SNX29: variants seen among roughly 807,000 people sequenced by gnomAD.
SNX29 encodes sorting nexin 29.
SNX29 carries 78 observed loss-of-function variants against 102.1 expected under a neutral mutation model. That is an observed-to-expected ratio of 0.76 (90% CI 0.64 to 0.92). The LOEUF is 0.92. Among genes scored for constraint, SNX29 ranks in the 40% least tolerant of loss-of-function variants. SNX29 has a pLI of 0.00. For missense variants in SNX29, 1,280 were observed against 1,061.7 expected, an observed-to-expected ratio of 1.21 and a Z score of -2.86; for synonymous variants, 580 against 414.5, an observed-to-expected ratio of 1.40 and a Z score of -4.85.
At chr16:12,564,074 G>A (rs886727785) in intron 20 of SNX29, among the ~76,000 whole-genome samples, 1 of 152,250 alleles carries the variant, frequency 6.6e-6, no homozygotes, top group Non-Finnish European at 1.5e-5. Flanking sequence ...GCTGTATTTT[G>A]GGAGTTTGTA....
intron 13 of SNX29, among the ~76,000 whole-genome samples, chr16:12,183,486 G>A (rs555247331): frequency 6.6e-6 from 1 of 152,118 alleles, no homozygotes; most frequent in African/African-American, 2.4e-5. Flanking sequence ...GATACATACT[G>A]TGTATAGATA....
chr16:12,302,432 T>C (rs531154103), intron 15 of SNX29, among the ~76,000 whole-genome samples: 7 of 152,344 alleles, frequency 4.6e-5, no homozygotes, highest in African/African-American at 9.6e-5. Flanking sequence ...GAGAAACTTA[T>C]AAACAACAAA....
intron 11 of SNX29, among the ~76,000 whole-genome samples, chr16:12,116,673 C>T (rs559660627): frequency 3.6e-4 from 55 of 152,172 alleles, no homozygotes; most frequent in African/African-American, 1.3e-3. Flanking sequence ...GACTCCTTCT[C>T]AAAAAAAGAA....
chr16:12,122,247 C>G (rs1053520809), intron 11 of SNX29, among the ~76,000 whole-genome samples: 1 of 152,202 alleles, frequency 6.6e-6, no homozygotes, highest in African/African-American at 2.4e-5. Flanking sequence ...TCTGTCGCCA[C>G]CTTCCTTCGC....
intron 19 of SNX29, among the ~76,000 whole-genome samples, chr16:12,481,451 TATAC>T (rs2087910146): frequency 9.7e-6 from 1 of 103,254 alleles, no homozygotes; most frequent in African/African-American, 4.6e-5. Context: ...CACACACATA[TATAC>T]ATATATATAT....
At chr16:12,462,661 A>G (rs2151760189) in intron 18 of SNX29, among the ~76,000 whole-genome samples, 1 of 152,270 alleles carries the variant, frequency 6.6e-6, no homozygotes, top group East Asian at 1.9e-4. Flanking sequence ...TCTTAATTCC[A>G]TGATTTCAGA....
At chr16:12,148,949 G>C (rs1161669802) in intron 13 of SNX29, among the ~76,000 whole-genome samples, 2 of 152,058 alleles carry the variant, frequency 1.3e-5, no homozygotes, top group Admixed American at 6.6e-5. Flanking sequence ...TGATCCACCT[G>C]CCTCAGCCTC....
chr16:12,006,388 G>A (rs2056453522), intron 3 of SNX29, among the ~76,000 whole-genome samples: 1 of 151,574 alleles, frequency 6.6e-6, no homozygotes, highest in Non-Finnish European at 1.5e-5. Context: ...GGTGGCACAT[G>A]CCTGTAATCC....
intron 18 of SNX29, among the ~76,000 whole-genome samples, chr16:12,464,425 C>G (rs1309528985): frequency 1.3e-5 from 2 of 151,982 alleles, no homozygotes; most frequent in Non-Finnish European, 2.9e-5. Context: ...AATTTAATTT[C>G]CTTTTTTATT....
intron 20 of SNX29, among the ~76,000 whole-genome samples, chr16:12,550,068 C>T (rs926905644): frequency 3.9e-5 from 6 of 152,166 alleles, no homozygotes; most frequent in African/African-American, 1.2e-4. Context: ...TTAGTCTCAC[C>T]CTTTATAGGA....
At chr16:12,451,618 C>G (rs2086302759) in intron 18 of SNX29, among the ~76,000 whole-genome samples, 1 of 152,208 alleles carries the variant, frequency 6.6e-6, no homozygotes, top group Admixed American at 6.5e-5. Flanking sequence ...AATCCCAGCA[C>G]TTTGGGAGGC....
At chr16:12,300,387 C>G (rs1391450515) in intron 15 of SNX29, among the ~76,000 whole-genome samples, 1 of 152,196 alleles carries the variant, frequency 6.6e-6, no homozygotes, top group Non-Finnish European at 1.5e-5. Context: ...CATCGATCAT[C>G]AGTGATCAGC....
chr16:12,538,418 G>A (rs1372935402), intron 20 of SNX29, among the ~76,000 whole-genome samples: 3 of 152,144 alleles, frequency 2.0e-5, no homozygotes, highest in African/African-American at 4.8e-5. Flanking sequence ...ATGATGTCTG[G>A]GAGTAATAAC....
chr16:12,308,163 A>G (rs993713409), intron 15 of SNX29, among the ~76,000 whole-genome samples: 2 of 152,216 alleles, frequency 1.3e-5, no homozygotes, highest in African/African-American at 4.8e-5. Context: ...TTCCCCAACC[A>G]ACAGCAGAGA....
At position 12,568,777 on chromosome 16, in the gene SNX29, C is replaced by T. The variant is rs2288427; in HGVS notation, c.*148C>T. The stretch of plus-strand genomic sequence containing the variant: ...GATTCCCAACAGTTACACAACACCC[C>T]GATTAAACTAATCAGTCTTCGAGCC... On this transcript the variant is annotated 3_prime_UTR_variant, in exon 21 of 21. Transcript: ENST00000566228. 28 of 1,222,980 alleles carry T rather than the reference C, an allele frequency of 2.3e-5. No individual in the cohort carries two copies. The highest frequency in any genetic ancestry group is 1.3e-4 in the East Asian group (5 of 38,974). 75.8% of individuals were successfully genotyped at this position (1,222,980 alleles called of 1,614,324 possible).
intron 11 of SNX29, among the ~76,000 whole-genome samples, chr16:12,092,474 T>C (rs940576802): frequency 6.6e-6 from 1 of 152,172 alleles, no homozygotes; most frequent in African/African-American, 2.4e-5. Context: ...TATGAGTTGC[T>C]CAAGGGAGTG....
At position 12,571,743 on chromosome 16, in the gene SNX29, C is replaced by T. The variant is rs2079192038; in HGVS notation, c.*3114C>T. The T allele has an allele frequency of 2.6e-5, 27 of 1,025,778 alleles. No individual in the cohort carries two copies. The highest frequency in any genetic ancestry group is 3.2e-5 in the Non-Finnish European group (27 of 844,368). The allele number at this position is 1,025,778 out of a possible 1,614,324, so 63.5% of individuals were successfully genotyped here. ...GCTTAAAGGCTGCTAGAAACCTAGCCCAACCATCCACTCCTGATCTGAGAC... is the reference window on the plus strand; with the variant it reads ...GCTTAAAGGCTGCTAGAAACCTAGCTCAACCATCCACTCCTGATCTGAGAC... On this transcript the variant is annotated 3_prime_UTR_variant, in exon 21 of 21. Transcript: ENST00000566228.
At chr16:12,420,362 C>G (rs568461534) in intron 18 of SNX29, among the ~76,000 whole-genome samples, 1 of 152,174 alleles carries the variant, frequency 6.6e-6, no homozygotes, top group African/African-American at 2.4e-5. Context: ...TCAGAGATGT[C>G]ACATGTGAAG....
In SNX29 at chr16:12,449,937, C is replaced by A. The variant is rs2086230409; in HGVS notation, c.2038-27782C>A. Reference sequence around the variant, plus strand: ...ATCTTGAGTTGTAGCTTCCATAATTCCCCACGTGTTGTGGGAGGGACCCGG... The same window carrying A: ...ATCTTGAGTTGTAGCTTCCATAATTACCCACGTGTTGTGGGAGGGACCCGG... On this transcript the variant is annotated intron_variant, in intron 18 of 20. Coordinates refer to ENST00000566228, the MANE Select transcript of SNX29 (RefSeq NM_032167.5). Among the ~76,000 whole-genome samples, 3 of 152,190 alleles carry A rather than the reference C, an allele frequency of 2.0e-5. No individual in the cohort carries two copies. The South Asian group carries it at 6.2e-4, about 32-fold the overall frequency.
Sources: gnomAD v4.1 joint callset for allele counts (sites outside exome capture counted in the v4.1 genomes callset) on GRCh38, gnomAD v4.1.1 for gene constraint, MANE v1.5 for transcripts, NCBI Gene and HGNC (gene_info 2026-07-23, HGNC 2026-07-21) for gene names.